The following MICU1 variants were observed in gnomAD, a reference collection of about 807,000 sequenced individuals.
MICU1 encodes the protein mitochondrial calcium uptake 1.
A neutral mutation model predicts 56.8 loss-of-function variants in MICU1; 45 were observed. That is an observed-to-expected ratio of 0.79 (90% CI 0.62 to 1.02). The LOEUF is 1.02. Ranked by LOEUF, MICU1 falls within the 50% of genes least tolerant of loss-of-function variation. The pLI is 0.00. For synonymous variants in MICU1, 186 were observed against 195.1 expected, an observed-to-expected ratio of 0.95 and a Z score of 0.39; for missense variants, 504 against 587.1, an observed-to-expected ratio of 0.86 and a Z score of 1.46.
chr10:72,485,657 C>A (rs986510172), intron 6 of MICU1, among the ~76,000 whole-genome samples: 5 of 151,138 alleles, frequency 3.3e-5, no homozygotes, highest in Admixed American at 6.6e-5. Context: ...AGCTATTATA[C>A]CAAAATGGTT....
intron 6 of MICU1, among the ~76,000 whole-genome samples, chr10:72,505,322 C>G (rs1263832985): frequency 6.6e-6 from 1 of 151,920 alleles, no homozygotes; most frequent in Non-Finnish European, 1.5e-5. Context: ...GAGATGCTGA[C>G]GAGGCTGCAG....
At chr10:72,375,667 T>C in intron 11 of MICU1, 116 bp downstream of exon 11, 1 of 891,364 alleles carries the variant, frequency 1.1e-6, no homozygotes, top group Non-Finnish European at 1.7e-6. Context: ...GAAAGGTGGG[T>C]AGCTTGAAGA....
Position 72,566,748 on chromosome 10 carries a change from C to G in MICU1, c.46G>C (p.Gly16Arg). The G allele has an allele frequency of 6.2e-7, 1 of 1,612,428 alleles. No individual in the cohort carries two copies. Among genetic ancestry groups the G allele is most frequent in the African/African-American group, 1.3e-5 (1 of 74,944 alleles). Residue 16 changes from glycine (G) to arginine (R), a missense_variant, in exon 2 of 12, where the codon GGT becomes CGT. Coordinates refer to ENST00000361114, the MANE Select transcript of MICU1 (RefSeq NM_001195518.2). ...SLSALAELAV[G>R]SRWYHGGSQP... ...GATCCTCCATGGTACCATCGAGAAC[C>G]CACAGCCAGTTCTGCCAAAGCAGAA...
intron 1 of MICU1, among the ~76,000 whole-genome samples, chr10:72,609,334 G>A (rs1328858992): frequency 6.6e-6 from 1 of 152,182 alleles, no homozygotes; most frequent in Non-Finnish European, 1.5e-5. Context: ...TAATGACAAT[G>A]AAGTATACAT....
intron 10 of MICU1, among the ~76,000 whole-genome samples, chr10:72,399,430 G>A (rs1863376010): frequency 1.3e-5 from 2 of 152,012 alleles, no homozygotes; most frequent in Admixed American, 1.3e-4. Flanking sequence ...CCTGCACGTT[G>A]TGCACATGTG....
chr10:72,552,014 G>A (rs1421257505), intron 3 of MICU1, among the ~76,000 whole-genome samples: 1 of 152,136 alleles, frequency 6.6e-6, no homozygotes, highest in Non-Finnish European at 1.5e-5. Flanking sequence ...AAACAAAACA[G>A]ACTTTAGATT....
chr10:72,445,416 T>C (rs1240970666), intron 8 of MICU1, among the ~76,000 whole-genome samples: 1 of 152,096 alleles, frequency 6.6e-6, no homozygotes, highest in Non-Finnish European at 1.5e-5. Flanking sequence ...ATTATGAAAA[T>C]GAGAATATTG....
chr10:72,433,250 C>T (rs1040288580), intron 8 of MICU1, among the ~76,000 whole-genome samples: 14 of 151,188 alleles, frequency 9.3e-5, no homozygotes, highest in Non-Finnish European at 1.3e-4. Context: ...TTTTTCTTCG[C>T]AATTTTTTTT....
intron 5 of MICU1, among the ~76,000 whole-genome samples, chr10:72,510,650 T>A (rs892069218): frequency 1.8e-5 from 2 of 109,110 alleles, no homozygotes; most frequent in Non-Finnish European, 5.4e-5. Context: ...AGTCCTTTTT[T>A]ATTTTTTTTT....
chr10:72,557,891 C>T (rs889922196), intron 3 of MICU1, among the ~76,000 whole-genome samples: 4 of 152,140 alleles, frequency 2.6e-5, no homozygotes, highest in Middle Eastern at 3.2e-3. Flanking sequence ...TACTTTCTTT[C>T]GCATCTTGTT....
chr10:72,618,934 G>A (rs948115950), intron 1 of MICU1, among the ~76,000 whole-genome samples: 1 of 152,056 alleles, frequency 6.6e-6, no homozygotes, highest in African/African-American at 2.4e-5. Context: ...TCCCCACTAG[G>A]CTGTAAGGTC....
At chr10:72,386,329 C>A (rs1862886485) in intron 10 of MICU1, among the ~76,000 whole-genome samples, 1 of 151,946 alleles carries the variant, frequency 6.6e-6, no homozygotes, top group Non-Finnish European at 1.5e-5. Flanking sequence ...TTACAGGTGC[C>A]CACCACCACA....
chr10:72,624,155 C>T (rs1017877513), intron 1 of MICU1, among the ~76,000 whole-genome samples: 1 of 152,148 alleles, frequency 6.6e-6, no homozygotes, highest in Non-Finnish European at 1.5e-5. Flanking sequence ...AATTATTTTG[C>T]ATAATATTGC....
intron 1 of MICU1, among the ~76,000 whole-genome samples, chr10:72,599,021 G>A (rs1413769868): frequency 2.6e-5 from 4 of 151,870 alleles, no homozygotes; most frequent in African/African-American, 4.8e-5. Context: ...CCGTTCCATC[G>A]TCCATGGTCA....
intron 10 of MICU1, among the ~76,000 whole-genome samples, chr10:72,384,284 C>T (rs112223912): frequency 0.041 from 6,245 of 152,256 alleles, 424 homozygotes; most frequent in African/African-American, 0.14. Flanking sequence ...CTATGAGCCA[C>T]TGGGCCCAGC....
At chr10:72,453,912 C>T (rs999980421) in intron 8 of MICU1, among the ~76,000 whole-genome samples, 3 of 151,808 alleles carry the variant, frequency 2.0e-5, no homozygotes, top group Admixed American at 1.3e-4. Context: ...CTCAGCTCAC[C>T]GCAAACTCCA....
chr10:72,411,473 G>A (rs141390379), intron 9 of MICU1, among the ~76,000 whole-genome samples: 4,470 of 151,896 alleles, frequency 0.029, 92 homozygotes, highest in Admixed American at 0.044. Flanking sequence ...GACTACAGGC[G>A]CCCACCACTG....
chr10:72,456,282 T>C (rs949700024), intron 8 of MICU1, among the ~76,000 whole-genome samples: 1 of 152,178 alleles, frequency 6.6e-6, no homozygotes, highest in Non-Finnish European at 1.5e-5. Flanking sequence ...TGAGTATGTA[T>C]ATGAATGTTC....
intron 1 of MICU1, among the ~76,000 whole-genome samples, chr10:72,606,957 G>A (rs541837514): frequency 8.5e-5 from 13 of 152,158 alleles, no homozygotes; most frequent in Non-Finnish European, 1.8e-4. Flanking sequence ...AACTCATGAA[G>A]GCATAAGGAG....
Sources: gnomAD v4.1 joint callset for allele counts (sites outside exome capture counted in the v4.1 genomes callset) on GRCh38, gnomAD v4.1.1 for gene constraint, MANE v1.5 for transcripts, NCBI Gene and HGNC (gene_info 2026-07-23, HGNC 2026-07-21) for gene names.